RPL7L1: variants seen among roughly 807,000 people sequenced by gnomAD.
The protein encoded by RPL7L1 is ribosomal protein L7 like 1.
Under a neutral mutation model 30.3 loss-of-function variants are expected in RPL7L1, and 20 were observed. The observed-to-expected ratio is 0.66, with a 90% CI of 0.46 to 0.96. RPL7L1 has a LOEUF of 0.96. Ranked by LOEUF, RPL7L1 falls within the 40% of genes least tolerant of loss-of-function variation. RPL7L1 has a pLI of 0.00. For synonymous variants in RPL7L1, 107 were observed against 110.1 expected, an observed-to-expected ratio of 0.97 and a Z score of 0.18; for missense variants, 271 against 314.9, an observed-to-expected ratio of 0.86 and a Z score of 1.05.
At chr6:42,883,381 T>C (rs774151147) in intron 2 of RPL7L1, 70 bp from the exon 3 acceptor site, 261 of 1,250,660 alleles carry the variant, frequency 2.1e-4, no homozygotes, top group Non-Finnish European at 2.4e-4. Flanking sequence ...TTGTCACTTA[T>C]GAATTACTGT....
intron 1 of RPL7L1, among the ~76,000 whole-genome samples, chr6:42,880,243 C>T (rs1194287892): frequency 6.6e-6 from 1 of 152,104 alleles, no homozygotes; most frequent in Non-Finnish European, 1.5e-5. Flanking sequence ...CTGCCCCCGC[C>T]CCAACCCCAT....
chr6:42,881,068 G>A, intron 2 of RPL7L1, 102 bp downstream of exon 2: 1 of 692,198 alleles, frequency 1.4e-6, no homozygotes, highest in Non-Finnish European at 2.6e-6. Context: ...TCCCCCCAAC[G>A]GTTTGACAGA....
Position 42,886,424 on chromosome 6 carries a change from G to T in RPL7L1, c.728G>T (p.Arg243Leu), listed in dbSNP as rs564479434. The change falls in exon 6 of 6, where the codon CGG becomes CTG. Residue 243 changes from arginine to leucine, a missense_variant. By Grantham distance (102) the Arg-to-Leu change is moderately radical (BLOSUM62 -2). Transcript: ENST00000493763. The stretch of plus-strand genomic sequence containing the variant: ...AAGGAGATGGGCACACCTGGCTATC[G>T]GGGTGAACGCATCAATCAGCTCATC... ...FLKEMGTPGY[R>L]GERINQLIRQ... 2 of 1,589,328 alleles carry T rather than the reference G, an allele frequency of 1.3e-6. No homozygotes were observed. The highest frequency in any genetic ancestry group is 3.3e-5 in the Admixed American group (2 of 59,840).
intron 2 of RPL7L1, chr6:42,881,268 A>G (rs1162324914): frequency 5.5e-6 from 1 of 182,510 alleles, no homozygotes. Flanking sequence ...GATCGAGACC[A>G]TCCTGGCTAA....
rs1384238234 is a variant in RPL7L1, at chr6:42,888,380, A to G, written c.*1916A>G. ...ACCATGTAGGCCAGGCTAGTCTCAA[A>G]CTCCTGACCTCAAGTGATCCACAAG... On this transcript the variant is annotated 3_prime_UTR_variant, in exon 6 of 6. Transcript: ENST00000493763. 1.3e-5 allele frequency: 2 copies of G among 151,884 alleles called. No individual in the cohort carries two copies. Among genetic ancestry groups the G allele is most frequent in the Non-Finnish European group, 2.9e-5 (2 of 68,010 alleles). The allele number at this position is 151,884 out of a possible 1,614,324, so 9.4% of individuals were successfully genotyped here.
rs141495140 is a variant in RPL7L1 at position 42,883,520 on chromosome 6, C to T, written c.217C>T (p.Arg73Cys). The T allele has an allele frequency of 3.0e-5, 49 of 1,609,474 alleles. No homozygotes were observed. In the Middle Eastern group the frequency reaches 6.6e-4, roughly 22 times the overall value. The change falls in exon 3 of 6, where the codon CGT becomes TGT. Residue 73 changes from arginine to cysteine, a missense_variant. Physicochemically the swap from Arg to Cys is radical, Grantham distance 180. Coordinates refer to ENST00000493763, the MANE Select transcript of RPL7L1 (RefSeq NM_001366481.3). ...SFLHDSWRQK[R>C]DKVRLRRLEV... The stretch of plus-strand genomic sequence containing the variant: ...CCTACATGATTCCTGGCGGCAGAAA[C>T]GTGACAAGGTGCGTCTCAGACGACT...
chr6:42,880,457 T>C (rs1766030607), intron 1 of RPL7L1: 1 of 229,004 alleles, frequency 4.4e-6, no homozygotes, highest in South Asian at 5.8e-5. Context: ...TAATGTTCCC[T>C]AAAGCCCAGG....
rs1382703455 is a variant in RPL7L1 at position 42,883,603 on chromosome 6, A to G, written c.300A>G (p.Val100=). ...LPDKHSLAFV[V]RIERIDGVSL... ...ATAAACATTCCTTGGCCTTTGTTGT[A>G]CGCATCGAAAGGTAAGGAACTGGTG... The change falls in exon 3 of 6, where the codon GTA becomes GTG. Residue 100 remains valine, a synonymous_variant. Transcript: ENST00000493763. 4 of 1,592,762 alleles carry G rather than the reference A, an allele frequency of 2.5e-6. No homozygotes were observed. Among genetic ancestry groups the G allele is most frequent in the Non-Finnish European group, 3.4e-6 (4 of 1,171,882 alleles).
At chr6:42,884,309 A>G (rs946770615) in intron 3 of RPL7L1, among the ~76,000 whole-genome samples, 3 of 152,124 alleles carry the variant, frequency 2.0e-5, no homozygotes, top group African/African-American at 7.2e-5. Context: ...TAAAATCTTC[A>G]GTAGCTTTTA....
Position 42,884,645 on chromosome 6 carries a change from C to T in RPL7L1, c.344C>T (p.Thr115Ile), listed in dbSNP as rs1056757372. 3.7e-6 allele frequency: 6 copies of T among 1,613,142 alleles called. No individual in the cohort carries two copies. Among genetic ancestry groups the T allele is most frequent in the Non-Finnish European group, 4.2e-6 (5 of 1,179,758 alleles). Reference sequence around the variant, plus strand: ...GGCGTGAGTTTACTGGTGCAGAGAACCATTGCAAGACTTCGCCTAAAGAAA... The same window carrying T: ...GGCGTGAGTTTACTGGTGCAGAGAATCATTGCAAGACTTCGCCTAAAGAAA... ...IDGVSLLVQRTIARLRLKKIF... is the reference protein window; with the variant it reads ...IDGVSLLVQRIIARLRLKKIF... Residue 115 changes from threonine to isoleucine, a missense_variant, in exon 4 of 6, where the codon ACC (threonine) becomes ATC (isoleucine). Coordinates refer to ENST00000493763, the MANE Select transcript of RPL7L1 (RefSeq NM_001366481.3).
intron 2 of RPL7L1, 131 bp from the exon 3 acceptor site, chr6:42,883,320 G>A (rs72864275): frequency 0.025 from 16,191 of 647,356 alleles, 253 homozygotes; most frequent in Non-Finnish European, 0.027. Context: ...TGAAAATAGA[G>A]AATGTTGCTT....
chr6:42,881,299 A>T (rs1766070567), intron 2 of RPL7L1: 1 of 158,832 alleles, frequency 6.3e-6, no homozygotes, highest in African/African-American at 2.4e-5. Flanking sequence ...CCCCGTCTCT[A>T]CTAAAAATAT....
rs1766274931 is a variant in RPL7L1 at position 42,886,493 on chromosome 6, C to T, written c.*29C>T. On this transcript the variant is annotated 3_prime_UTR_variant, in exon 6 of 6. Coordinates refer to ENST00000493763, the MANE Select transcript of RPL7L1 (RefSeq NM_001366481.3). ...CAGGTGAGGCAGGGCTGAAAACTGC[C>T]CTTGGGCTGACTTTTGATAGGCCAT... 4 of 1,152,910 alleles carry T rather than the reference C, an allele frequency of 3.5e-6. No individual in the cohort carries two copies. Among genetic ancestry groups the T allele is most frequent in the Non-Finnish European group, 5.1e-6 (4 of 787,794 alleles). 71.4% of individuals were successfully genotyped at this position (1,152,910 alleles called of 1,614,324 possible). A position where few individuals can be genotyped will look rare whatever the true frequency, so the allele number is the denominator to read the frequency against.
intron 2 of RPL7L1, chr6:42,883,234 T>C (rs1240315018): frequency 7.5e-6 from 3 of 398,172 alleles, no homozygotes; most frequent in Non-Finnish European, 1.3e-5. Context: ...ACTAATTTTT[T>C]GTTCGTTATT....
In RPL7L1 at chr6:42,889,833, C is replaced by T. The variant is rs1458098843; in HGVS notation, c.*3369C>T. On this transcript the variant is annotated 3_prime_UTR_variant, in exon 6 of 6. Transcript: ENST00000493763. ...TTGACGAAAAATAAATTTTAAAAAA[C>T]CTAATAAAACAAGTTTGTAATTTAT... 1 of 152,164 alleles carries T rather than the reference C, an allele frequency of 6.6e-6. No homozygotes were observed. Among genetic ancestry groups the T allele is most frequent in the African/African-American group, 2.4e-5 (1 of 41,428 alleles). The allele number at this position is 152,164 out of a possible 1,614,324, so 9.4% of individuals were successfully genotyped here.
chr6:42,883,703 C>A (rs1581657731), intron 3 of RPL7L1, 89 bp downstream of exon 3: 125 of 1,071,634 alleles, frequency 1.2e-4, no homozygotes, highest in East Asian at 3.1e-4. Flanking sequence ...TAATATGCCC[C>A]AAGCCACTCA....
At position 42,880,169 on chromosome 6, in the gene RPL7L1, C is replaced by T. The variant is rs146062217; in HGVS notation, c.41+218C>T. 4.2e-3 allele frequency among the ~76,000 whole-genome samples: 635 copies of T among 152,252 alleles called. 6 individuals carry two copies. Among genetic ancestry groups the T allele is most frequent in the African/African-American group, 0.015 (610 of 41,542 alleles). On this transcript the variant is annotated intron_variant, in intron 1 of 5. Coordinates refer to ENST00000493763, the MANE Select transcript of RPL7L1 (RefSeq NM_001366481.3). ...TGGAGAGGCGAGGATTGACTTCAGG[C>T]AGCGGGCTGGAGTGCCACAGTTGAA...
chr6:42,883,482 G>T lies in RPL7L1; in HGVS notation c.179G>T (p.Arg60Leu). ...AAAGGAAAAGGGCTCAGGTTTAAGC[G>T]ACTGGAATCATTCCTACATGATTCC... ...QKKGKGLRFKRLESFLHDSWR... is the reference protein window; with the variant it reads ...QKKGKGLRFKLLESFLHDSWR... The change falls in exon 3 of 6, where the codon CGA (arginine) becomes CTA (leucine). Residue 60 changes from arginine to leucine, a missense_variant. By Grantham distance (102) the Arg-to-Leu change is moderately radical (BLOSUM62 -2). Transcript: ENST00000493763. 1.2e-6 allele frequency: 2 copies of T among 1,600,812 alleles called. No individual in the cohort carries two copies. The highest frequency in any genetic ancestry group is 1.1e-5 in the South Asian group (1 of 88,554).
At chr6:42,883,657 A>C in intron 3 of RPL7L1, 43 bp downstream of exon 3, 1 of 1,514,786 alleles carries the variant, frequency 6.6e-7, no homozygotes, top group Non-Finnish European at 8.9e-7. Context: ...GCTGGGGCAA[A>C]GTGTTGCTTA....
Sources: allele counts gnomAD v4.1 joint callset (sites outside exome capture counted in the v4.1 genomes callset), GRCh38; gene constraint gnomAD v4.1.1; transcripts MANE v1.5; gene names NCBI Gene and HGNC (gene_info 2026-07-23, HGNC 2026-07-21).